Variants in MCM9 observed in about 807,000 individuals in gnomAD.
The protein encoded by MCM9 is DNA helicase MCM9.
A neutral mutation model predicts 72.8 loss-of-function variants in MCM9; 55 were observed. The observed-to-expected ratio is 0.76, with a 90% CI of 0.61 to 0.95. The LOEUF is 0.95. Among genes scored for constraint, MCM9 ranks in the 40% least tolerant of loss-of-function variants. The pLI is 0.00. For missense variants in MCM9, 1,279 were observed against 1,377.0 expected, an observed-to-expected ratio of 0.93 and a Z score of 1.13; for synonymous variants, 480 against 503.4, an observed-to-expected ratio of 0.95 and a Z score of 0.62.
At chr6:118,845,013 C>T (rs962627197) in intron 9 of MCM9, among the ~76,000 whole-genome samples, 13 of 151,798 alleles carry the variant, frequency 8.6e-5, no homozygotes, top group African/African-American at 3.2e-4. Context: ...GCACCTGACC[C>T]AAGAGCAGCC....
At chr6:118,919,876 T>C (rs1266194516) in intron 5 of MCM9, 2 of 152,256 alleles carry the variant, frequency 1.3e-5, no homozygotes, top group Non-Finnish European at 1.5e-5. Context: ...TTACTCTGCA[T>C]GTGCCAAAGT....
chr6:118,914,313 C>T (rs1239866641), intron 6 of MCM9, among the ~76,000 whole-genome samples: 1 of 152,188 alleles, frequency 6.6e-6, no homozygotes, highest in African/African-American at 2.4e-5. Flanking sequence ...CTGCCTATCT[C>T]TTCCATGAAT....
chr6:118,901,928 A>G (rs1387897146), intron 8 of MCM9, among the ~76,000 whole-genome samples: 3 of 152,202 alleles, frequency 2.0e-5, no homozygotes, highest in Non-Finnish European at 4.4e-5. Flanking sequence ...CTGGCAAAGA[A>G]TCACTTAGAC....
At chr6:118,862,605 A>G (rs963785989) in intron 8 of MCM9, among the ~76,000 whole-genome samples, 9 of 152,168 alleles carry the variant, frequency 5.9e-5, no homozygotes, top group African/African-American at 2.2e-4. Flanking sequence ...TGCTCCTATG[A>G]GAGTCTCATG....
At chr6:118,924,936 C>T (rs910344744) in intron 3 of MCM9, among the ~76,000 whole-genome samples, 14 of 151,850 alleles carry the variant, frequency 9.2e-5, no homozygotes, top group African/African-American at 3.4e-4. Context: ...CCCAGCAACT[C>T]GGTAGGGCTG....
At chr6:118,872,024 G>T (rs567484934) in intron 8 of MCM9, among the ~76,000 whole-genome samples, 2 of 146,956 alleles carry the variant, frequency 1.4e-5, no homozygotes, top group South Asian at 4.3e-4. Context: ...AATTAAACTA[G>T]AAAATAATAA....
At chr6:118,866,457 T>C (rs910310013) in intron 8 of MCM9, among the ~76,000 whole-genome samples, 25 of 151,934 alleles carry the variant, frequency 1.6e-4, no homozygotes, top group Admixed American at 1.6e-3. Context: ...AACAGAGCAA[T>C]GCAAGAAAAA....
chr6:118,834,470 CCCA>C (rs758832491), intron 9 of MCM9, among the ~76,000 whole-genome samples: 12 of 152,288 alleles, frequency 7.9e-5, no homozygotes, highest in South Asian at 6.2e-4. Flanking sequence ...AATTTACACA[CCCA>C]CCAACAGTGT....
At chr6:118,911,376 C>G (rs117046324) in intron 8 of MCM9, 7 of 1,141,802 alleles carry the variant, frequency 6.1e-6, no homozygotes, top group Non-Finnish European at 5.4e-6. Flanking sequence ...CCAGATGATA[C>G]GGACTTTTTC....
At chr6:118,827,371 A>G (rs1446548528) in intron 11 of MCM9, among the ~76,000 whole-genome samples, 1 of 152,162 alleles carries the variant, frequency 6.6e-6, no homozygotes, top group Non-Finnish European at 1.5e-5. Flanking sequence ...ATTTTATTTT[A>G]TTATTCAGTT....
chr6:118,890,008 AG>A (rs1365506565), intron 8 of MCM9, among the ~76,000 whole-genome samples: 1 of 152,236 alleles, frequency 6.6e-6, no homozygotes, highest in Non-Finnish European at 1.5e-5. Flanking sequence ...GATGCATTCC[AG>A]GATGTGTAGC....
intron 8 of MCM9, among the ~76,000 whole-genome samples, chr6:118,867,307 T>C (rs1777278108): frequency 6.6e-6 from 1 of 152,190 alleles, no homozygotes; most frequent in Non-Finnish European, 1.5e-5. Context: ...GAAAAACTCA[T>C]ATTGCCTAGT....
chr6:118,893,400 C>T (rs1031290764), intron 8 of MCM9, among the ~76,000 whole-genome samples: 3 of 152,152 alleles, frequency 2.0e-5, no homozygotes, highest in Non-Finnish European at 4.4e-5. Context: ...GCTATGCTCT[C>T]CAAATGGCAG....
At chr6:118,886,625 G>C (rs758644424) in intron 8 of MCM9, among the ~76,000 whole-genome samples, 3 of 152,000 alleles carry the variant, frequency 2.0e-5, no homozygotes, top group Non-Finnish European at 4.4e-5. Context: ...AAATATGTAG[G>C]AATAAATTTA....
At chr6:118,847,595 G>C (rs1775960343) in intron 9 of MCM9, among the ~76,000 whole-genome samples, 1 of 151,598 alleles carries the variant, frequency 6.6e-6, no homozygotes, top group Admixed American at 6.6e-5. Flanking sequence ...TTGCTGCAGA[G>C]CCTAGGAAAA....
chr6:118,873,992 T>C (rs1031064798), intron 8 of MCM9, among the ~76,000 whole-genome samples: 10 of 152,300 alleles, frequency 6.6e-5, no homozygotes, highest in Middle Eastern at 3.4e-3. Flanking sequence ...TGGTGGCTCA[T>C]GCCTATAATC....
intron 8 of MCM9, among the ~76,000 whole-genome samples, chr6:118,872,055 A>T (rs1026295211): frequency 3.3e-5 from 5 of 150,232 alleles, no homozygotes; most frequent in Non-Finnish European, 7.4e-5. Flanking sequence ...CGGTGGCTCA[A>T]GCCTGTAATC....
intron 8 of MCM9, among the ~76,000 whole-genome samples, chr6:118,888,379 C>G (rs568038465): frequency 6.6e-6 from 1 of 151,930 alleles, no homozygotes; most frequent in African/African-American, 2.4e-5. Flanking sequence ...CCCAGCTACT[C>G]GGGAGGCTAA....
rs1334346796 is a variant in MCM9 at position 118,813,542 on chromosome 6, G to A, written c.*1282C>T. ...TGGATTTTCTAAATTTGTTTTCAAT[G>A]CGTGAATTGAATGAAGTGAAAATTA... On this transcript the variant is annotated 3_prime_UTR_variant, in exon 14 of 14. Transcript: ENST00000619706. 1 of 152,112 alleles carries A rather than the reference G, an allele frequency of 6.6e-6. No individual in the cohort carries two copies. Among genetic ancestry groups the A allele is most frequent in the Non-Finnish European group, 1.5e-5 (1 of 68,018 alleles). 9.4% of individuals were successfully genotyped at this position (152,112 alleles called of 1,614,324 possible).
Sources: gnomAD v4.1 joint callset for allele counts (sites outside exome capture counted in the v4.1 genomes callset) on GRCh38, gnomAD v4.1.1 for gene constraint, MANE v1.5 for transcripts, NCBI Gene and HGNC (gene_info 2026-07-23, HGNC 2026-07-21) for gene names.